CIP2A: variants seen among roughly 807,000 people sequenced by gnomAD.
The protein encoded by CIP2A is protein CIP2A.
In CIP2A, 103 loss-of-function variants were observed where a neutral mutation model predicts 110.9. The ratio of observed to expected loss-of-function variants is 0.93; its 90% CI spans 0.79 to 1.09. The LOEUF (loss-of-function observed/expected upper bound fraction) is 1.09, where lower values mean the gene tolerates loss of function less well. Among genes scored for constraint, CIP2A ranks in the 50% least tolerant of loss-of-function variants. The pLI is 0.00. For synonymous variants in CIP2A, 381 were observed against 361.6 expected, an observed-to-expected ratio of 1.05 and a Z score of -0.61; for missense variants, 1,088 against 1,038.4, an observed-to-expected ratio of 1.05 and a Z score of -0.66.
intron 8 of CIP2A, among the ~76,000 whole-genome samples, chr3:108,571,198 G>C (rs1249245513): frequency 1.3e-5 from 2 of 152,108 alleles, no homozygotes; most frequent in Non-Finnish European, 2.9e-5. Context: ...CTGTTTTACA[G>C]TTAACTTTTT....
At chr3:108,577,256 T>C (rs1310981726) in intron 7 of CIP2A, among the ~76,000 whole-genome samples, 1 of 152,166 alleles carries the variant, frequency 6.6e-6, no homozygotes, top group African/African-American at 2.4e-5. Flanking sequence ...ATATTCACCT[T>C]GAATGCAATG....
At chr3:108,560,089 A>T in intron 14 of CIP2A, 61 bp from the exon 15 acceptor site, 1 of 908,174 alleles carries the variant, frequency 1.1e-6, no homozygotes. Context: ...CAATGACAAA[A>T]TAAATGCCTA....
At chr3:108,580,774 G>A (rs1157151021) in intron 5 of CIP2A, among the ~76,000 whole-genome samples, 1 of 151,898 alleles carries the variant, frequency 6.6e-6, no homozygotes, top group Non-Finnish European at 1.5e-5. Context: ...GACTACAGGC[G>A]TGTGCCACCA....
intron 10 of CIP2A, 23 bp from the exon 11 acceptor site, chr3:108,566,661 A>T: frequency 6.7e-7 from 1 of 1,501,064 alleles, no homozygotes; most frequent in Non-Finnish European, 9.0e-7. Context: ...TAAGATATAC[A>T]ACAAAAAAAT....
At chr3:108,579,925 G>A (rs185826220) in intron 5 of CIP2A, among the ~76,000 whole-genome samples, 77 of 152,244 alleles carry the variant, frequency 5.1e-4, no homozygotes, top group Admixed American at 3.2e-3. Flanking sequence ...TGGTAAATGC[G>A]TGCAAACGAG....
chr3:108,560,460 A>T (rs1937966859), intron 14 of CIP2A, among the ~76,000 whole-genome samples, 189 bp downstream of exon 14: 1 of 152,186 alleles, frequency 6.6e-6, no homozygotes, highest in Non-Finnish European at 1.5e-5. Context: ...GGCGTAAGCC[A>T]CCGCACCCGG....
chr3:108,568,336 A>G (rs764901445), intron 9 of CIP2A, 22 bp from the exon 10 acceptor site: 1 of 1,604,698 alleles, frequency 6.2e-7, no homozygotes, highest in East Asian at 2.2e-5. Context: ...TCCATCACAA[A>G]TGATTAAAAG....
intron 3 of CIP2A, 86 bp downstream of exon 3, chr3:108,582,891 C>T (rs193272750): frequency 2.9e-6 from 2 of 699,086 alleles, no homozygotes; most frequent in East Asian, 5.6e-5. Flanking sequence ...AGCATATATA[C>T]ACTGTAAGTC....
At chr3:108,575,409 TGTATAC>T (rs1938551874) in intron 8 of CIP2A, among the ~76,000 whole-genome samples, 1 of 139,960 alleles carries the variant, frequency 7.1e-6, no homozygotes, top group Non-Finnish European at 1.6e-5. Context: ...CACATGTGTA[TGTATAC>T]ATATACATGT....
chr3:108,588,282 A>G (rs2107380911), intron 1 of CIP2A, among the ~76,000 whole-genome samples: 1 of 152,174 alleles, frequency 6.6e-6, no homozygotes, highest in East Asian at 1.9e-4. Context: ...CACTTCTTAA[A>G]ATAAAGAATG....
intron 16 of CIP2A, among the ~76,000 whole-genome samples, chr3:108,558,648 G>A (rs967380262): frequency 6.6e-5 from 10 of 152,222 alleles, no homozygotes; most frequent in South Asian, 4.1e-4. Context: ...AGGAAGGATC[G>A]TCAAACACGT....
intron 1 of CIP2A, chr3:108,585,885 C>T (rs1047913850): frequency 1.9e-5 from 8 of 417,564 alleles, no homozygotes; most frequent in East Asian, 1.4e-4. Flanking sequence ...GCCACATACA[C>T]GCATGCACAG....
chr3:108,562,509 A>T (rs1178004761), intron 13 of CIP2A, among the ~76,000 whole-genome samples: 1 of 152,146 alleles, frequency 6.6e-6, no homozygotes, highest in Non-Finnish European at 1.5e-5. Flanking sequence ...AATGACTTAA[A>T]AAAATTTTAA....
intron 7 of CIP2A, among the ~76,000 whole-genome samples, chr3:108,577,186 A>G (rs1053977927): frequency 6.6e-6 from 1 of 152,196 alleles, no homozygotes; most frequent in Non-Finnish European, 1.5e-5. Context: ...AAATGTGTGA[A>G]GAAATAAGGT....
At position 108,551,334 on chromosome 3, in the gene CIP2A, T is replaced by A; in HGVS notation, c.2548-15A>T. On this transcript the variant is annotated splice_polypyrimidine_tract_variant and intron_variant, in intron 20 of 20. Coordinates refer to ENST00000295746, the MANE Select transcript of CIP2A (RefSeq NM_020890.3). ...AGGGAGGAAGCCTAAGGAATTGGGG[T>A]TGGGGGAGGAGGAAGAATTGAGAAG... The A allele has an allele frequency of 6.3e-7, 1 of 1,581,036 alleles. No individual in the cohort carries two copies. The highest frequency in any genetic ancestry group is 1.2e-5 in the South Asian group (1 of 84,836).
chr3:108,587,284 A>T (rs781711731), intron 1 of CIP2A, among the ~76,000 whole-genome samples: 1 of 152,222 alleles, frequency 6.6e-6, no homozygotes, highest in Non-Finnish European at 1.5e-5. Flanking sequence ...AATGCCTATC[A>T]ACAGGAAAGT....
At chr3:108,583,957 G>T (rs1938966352) in intron 2 of CIP2A, among the ~76,000 whole-genome samples, 1 of 152,124 alleles carries the variant, frequency 6.6e-6, no homozygotes, top group African/African-American at 2.4e-5. Context: ...AACCTCAAAT[G>T]CTTCTAAAGT....
At chr3:108,575,642 TCA>T (rs1358823555) in intron 8 of CIP2A, among the ~76,000 whole-genome samples, 3 of 132,362 alleles carry the variant, frequency 2.3e-5, no homozygotes, top group African/African-American at 6.4e-5. Flanking sequence ...GTATATATAC[TCA>T]TATACATGTG....
At chr3:108,584,263 T>C (rs1938975301) in intron 2 of CIP2A, among the ~76,000 whole-genome samples, 1 of 152,210 alleles carries the variant, frequency 6.6e-6, no homozygotes, top group African/African-American at 2.4e-5. Flanking sequence ...CTATTAAAGA[T>C]ACTGATATGG....
Sources: allele counts gnomAD v4.1 joint callset (sites outside exome capture counted in the v4.1 genomes callset), GRCh38; gene constraint gnomAD v4.1.1; transcripts MANE v1.5; gene names NCBI Gene and HGNC (gene_info 2026-07-23, HGNC 2026-07-21).